The following SERPINI2 variants were observed in gnomAD, a reference collection of about 807,000 sequenced individuals.
SERPINI2 encodes serpin I2.
SERPINI2 carries 48 observed loss-of-function variants against 47.3 expected under a neutral mutation model. The ratio of observed to expected loss-of-function variants is 1.02; its 90% CI spans 0.81 to 1.29. The LOEUF is 1.29. Ranked by LOEUF, SERPINI2 falls within the 50% of genes most tolerant of loss-of-function variation. The pLI, the probability that SERPINI2 is intolerant of heterozygous loss-of-function variation, is 0.00. For synonymous variants in SERPINI2, 135 were observed against 149.3 expected (o/e 0.90, Z 0.70); for missense variants, 448 against 456.9 (o/e 0.98, Z 0.18).
intron 2 of SERPINI2, among the ~76,000 whole-genome samples, chr3:167,470,625 G>A (rs936861808): frequency 2.1e-5 from 3 of 139,546 alleles, no homozygotes; most frequent in Admixed American, 1.6e-4. Flanking sequence ...GCAGTGGCAC[G>A]ATCTCAGCTC....
chr3:167,446,158 G>A (rs1182491772), intron 8 of SERPINI2, among the ~76,000 whole-genome samples: 1 of 152,162 alleles, frequency 6.6e-6, no homozygotes. Context: ...TAGCTTTACT[G>A]ATGGTTATAT....
At chr3:167,476,640 T>G (rs1750485316), upstream of SERPINI2, among the ~76,000 whole-genome samples, 1 of 152,022 alleles carries the variant, frequency 6.6e-6, no homozygotes, top group South Asian at 2.1e-4. Flanking sequence ...ATTCCCAAAT[T>G]AGACTGGAAA....
At chr3:167,473,216 C>A (rs893692769) in intron 1 of SERPINI2, among the ~76,000 whole-genome samples, 1 of 151,548 alleles carries the variant, frequency 6.6e-6, no homozygotes, top group Non-Finnish European at 1.5e-5. Flanking sequence ...CAATCCAAAG[C>A]AATTGTTAGA....
chr3:167,455,076 T>C (rs1749746869), intron 5 of SERPINI2, among the ~76,000 whole-genome samples: 1 of 152,216 alleles, frequency 6.6e-6, no homozygotes. Flanking sequence ...ATATATATAA[T>C]GTCCCTCTTC....
At chr3:167,448,556 T>C (rs181967102) in intron 7 of SERPINI2, among the ~76,000 whole-genome samples, 248 of 152,124 alleles carry the variant, frequency 1.6e-3, no homozygotes, top group African/African-American at 5.9e-3. Context: ...GGAGTCTCGC[T>C]CTGTTGCCCA....
intron 5 of SERPINI2, among the ~76,000 whole-genome samples, chr3:167,456,163 T>A (rs1285366079): frequency 6.7e-6 from 1 of 148,992 alleles, no homozygotes; most frequent in Non-Finnish European, 1.5e-5. Flanking sequence ...TGTGTGTGTG[T>A]GTGTGTGTGT....
rs571920953 is a variant in SERPINI2 at position 167,460,045 on chromosome 3, A to C, written c.866+5161T>G. On this transcript the variant is annotated intron_variant, in intron 5 of 8. Coordinates refer to ENST00000264677, the Ensembl canonical transcript of SERPINI2. The stretch of plus-strand genomic sequence containing the variant: ...AAGGATTCTCCTAACGGTCTCAGTG[A>C]GAGCATGTTGTGCTGACACCTTGAT... 3.3e-5 allele frequency among the ~76,000 whole-genome samples: 5 copies of C among 152,356 alleles called. No homozygotes were observed. In the East Asian group the frequency reaches 9.6e-4, roughly 29 times the overall value.
At chr3:167,475,915 A>G (rs1750470692), upstream of SERPINI2, among the ~76,000 whole-genome samples, 1 of 151,790 alleles carries the variant, frequency 6.6e-6, no homozygotes, top group Non-Finnish European at 1.5e-5. Context: ...CTTAATTCCA[A>G]ACTTTAAAAA....
intron 5 of SERPINI2, among the ~76,000 whole-genome samples, chr3:167,459,463 C>T (rs1749921354): frequency 6.6e-6 from 1 of 151,852 alleles, no homozygotes; most frequent in Non-Finnish European, 1.5e-5. Context: ...CATTCAACTG[C>T]AGGATGATGT....
chr3:167,453,859 T>A (rs1749712474), intron 5 of SERPINI2, among the ~76,000 whole-genome samples: 1 of 149,180 alleles, frequency 6.7e-6, no homozygotes, highest in South Asian at 2.3e-4. Context: ...TGAACCTCAC[T>A]TTCCCATTTA....
intron 7 of SERPINI2, among the ~76,000 whole-genome samples, chr3:167,447,510 C>T (rs1042973030): frequency 6.6e-6 from 1 of 152,126 alleles, no homozygotes; most frequent in Non-Finnish European, 1.5e-5. Context: ...TCTACCTTCT[C>T]TTAATGATTG....
At chr3:167,453,544 T>A (rs1367487242) in intron 5 of SERPINI2, among the ~76,000 whole-genome samples, 1 of 152,102 alleles carries the variant, frequency 6.6e-6, no homozygotes, top group East Asian at 1.9e-4. Flanking sequence ...GTCAATGAGA[T>A]GTTCTTTAGT....
intron 6 of SERPINI2, among the ~76,000 whole-genome samples, chr3:167,452,592 T>C (rs1749672757): frequency 6.6e-6 from 1 of 152,046 alleles, no homozygotes; most frequent in Non-Finnish European, 1.5e-5. Context: ...TTGTATTAGC[T>C]CTGCTTAGAT....
Position 167,454,444 on chromosome 3 carries a change from C to T in SERPINI2, c.867-1411G>A, listed in dbSNP as rs374064704. ...CTTTCACCCTCTTCCTTGTAACTTC[C>T]TACTAAGAAAGATAATATGCAGCAT... On this transcript the variant is annotated intron_variant, in intron 5 of 8. Coordinates refer to ENST00000264677, the Ensembl canonical transcript of SERPINI2. Among the ~76,000 whole-genome samples the T allele has an allele frequency of 9.2e-5, 14 of 152,218 alleles. No homozygotes were observed. The South Asian group carries it at 2.9e-3, about 32-fold the overall frequency.
chr3:167,449,558 G>A (rs41273571), intron 6 of SERPINI2, among the ~76,000 whole-genome samples, 156 bp from the exon 7 acceptor site: 4,647 of 151,974 alleles, frequency 0.031, 119 homozygotes, highest in Non-Finnish European at 0.031. Flanking sequence ...ACACTGGCAC[G>A]ATCTCAGCTC....
At chr3:167,444,651 G>A (rs9859743) in intron 8 of SERPINI2, among the ~76,000 whole-genome samples, 29,034 of 151,928 alleles carry the variant, frequency 0.19, 4,120 homozygotes, top group African/African-American at 0.39. Flanking sequence ...TGGCAACAAC[G>A]GACAGTCCCT....
At chr3:167,473,829 T>G (rs1750408023) in intron 1 of SERPINI2, 174 bp downstream of exon 1, 23 of 1,381,560 alleles carry the variant, frequency 1.7e-5, no homozygotes, top group Non-Finnish European at 2.2e-5. Context: ...CTGGATCTTC[T>G]GATTTGTGGT....
At chr3:167,458,629 CA>C (rs773909911) in intron 5 of SERPINI2, among the ~76,000 whole-genome samples, 37 of 152,064 alleles carry the variant, frequency 2.4e-4, no homozygotes, top group Non-Finnish European at 4.9e-4. Flanking sequence ...ACCATCTTAT[CA>C]ATAAGGAACC....
At chr3:167,461,576 G>A (rs978640405) in intron 5 of SERPINI2, among the ~76,000 whole-genome samples, 2 of 151,620 alleles carry the variant, frequency 1.3e-5, no homozygotes, top group African/African-American at 4.8e-5. Flanking sequence ...TATATGATAT[G>A]AAAACATTGT....
Sources: allele counts gnomAD v4.1 joint callset (sites outside exome capture counted in the v4.1 genomes callset), GRCh38; gene constraint gnomAD v4.1.1; transcripts MANE v1.5; gene names NCBI Gene and HGNC (gene_info 2026-07-23, HGNC 2026-07-21).